The following VAV2 variants were observed in gnomAD, a reference collection of about 807,000 sequenced individuals.
VAV2 encodes guanine nucleotide exchange factor VAV2.
VAV2 carries 67 observed loss-of-function variants against 132.5 expected under a neutral mutation model. The observed-to-expected ratio is 0.51, with a 90% confidence interval of 0.42 to 0.62. The LOEUF (loss-of-function observed/expected upper bound fraction) is 0.62, where lower values mean the gene tolerates loss of function less well. Among genes scored for constraint, VAV2 ranks in the 20% least tolerant of loss-of-function variants. VAV2 has a pLI of 0.00. For synonymous variants in VAV2, 492 were observed against 443.5 expected, an observed-to-expected ratio of 1.11 and a Z score of -1.37; for missense variants, 938 against 1,153.6, an observed-to-expected ratio of 0.81 and a Z score of 2.71.
Position 133,770,481 on chromosome 9 carries a change from C to G in VAV2, c.2244G>C (p.Gln748His). The G allele has an allele frequency of 6.2e-7, 1 of 1,614,080 alleles. No homozygotes were observed. Among genetic ancestry groups the G allele is most frequent in the Non-Finnish European group, 8.5e-7 (1 of 1,179,952 alleles). Residue 748 changes from glutamine to histidine, a missense_variant, in exon 27 of 30, where the codon CAG becomes CAC. Transcript: ENST00000371850. ...DSLLELVEYY[Q>H]CHSLKESFKQ... Reference sequence around the variant, plus strand: ...TGAAGCTCTCCTTCAGTGAGTGGCACTGGTAGTACTCCACCAACTCCTGCA... The same window carrying G: ...TGAAGCTCTCCTTCAGTGAGTGGCAGTGGTAGTACTCCACCAACTCCTGCA...
At chr9:133,780,064 A>T (rs45503893) in intron 20 of VAV2, 125 bp from the exon 21 acceptor site, 222 of 1,287,656 alleles carry the variant, frequency 1.7e-4, no homozygotes, top group Non-Finnish European at 2.0e-4. Context: ...AGGCAGGAGC[A>T]GGGGAGGAGA....
chr9:133,890,140 G>A lies in VAV2; in HGVS notation c.322-28708C>T, dbSNP rs561363790. ...TGGCAGCCAGGGCATGGGCAGCACG[G>A]ATCGTGCCAGCCTGGCACATCCACA... On this transcript the variant is annotated intron_variant, in intron 2 of 29. Transcript: ENST00000371850. Among the ~76,000 whole-genome samples the A allele has an allele frequency of 3.1e-3, 472 of 152,344 alleles. 4 individuals are homozygous for A. The highest frequency in any genetic ancestry group is 4.2e-3 in the Non-Finnish European group (283 of 68,026).
Position 133,902,798 on chromosome 9 carries a change from G to A in VAV2, c.321+36305C>T, listed in dbSNP as rs146606298. Among the ~76,000 whole-genome samples the A allele has an allele frequency of 2.8e-3, 433 of 152,254 alleles. 2 individuals carry two copies. The highest frequency in any genetic ancestry group is 9.3e-3 in the African/African-American group (385 of 41,544). The stretch of plus-strand genomic sequence containing the variant: ...TATAAAAAGAGGAAGTTTGCCAGGC[G>A]CAATGGCTCACGCCTGTAACCCCAG... On this transcript the variant is annotated intron_variant, in intron 2 of 29. Coordinates refer to ENST00000371850, the MANE Select transcript of VAV2 (RefSeq NM_001134398.2).
intron 2 of VAV2, among the ~76,000 whole-genome samples, chr9:133,906,897 C>G (rs1335297602): frequency 6.6e-6 from 1 of 152,158 alleles, no homozygotes; most frequent in Non-Finnish European, 1.5e-5. Flanking sequence ...GGGACCCTCG[C>G]CCCGTCCCAT....
At chr9:133,795,613 G>A in intron 12 of VAV2, 55 bp downstream of exon 12, 1 of 1,601,544 alleles carries the variant, frequency 6.2e-7, no homozygotes, top group Non-Finnish European at 8.6e-7. Flanking sequence ...TCCAGTCCAA[G>A]AACACGGGCT....
intron 2 of VAV2, among the ~76,000 whole-genome samples, chr9:133,913,216 G>C (rs1165235820): frequency 1.3e-5 from 2 of 152,200 alleles, no homozygotes; most frequent in African/African-American, 4.8e-5. Context: ...AACACCCCCT[G>C]TGCTCCCAAA....
chr9:133,907,134 G>A (rs687402), intron 2 of VAV2, among the ~76,000 whole-genome samples: 44,084 of 152,220 alleles, frequency 0.29, 7,861 homozygotes, highest in Non-Finnish European at 0.39. Flanking sequence ...CAAACATGTT[G>A]CCAAGAGCAG....
intron 2 of VAV2, among the ~76,000 whole-genome samples, chr9:133,906,102 C>T (rs894034637): frequency 6.6e-6 from 1 of 152,150 alleles, no homozygotes; most frequent in South Asian, 2.1e-4. Flanking sequence ...ACCTTCCAGA[C>T]GGTAAGTCTG....
At chr9:133,895,085 G>A (rs1247048215) in intron 2 of VAV2, among the ~76,000 whole-genome samples, 4 of 152,140 alleles carry the variant, frequency 2.6e-5, no homozygotes, top group African/African-American at 4.8e-5. Context: ...GCTCCAAGCC[G>A]AGGCACCGAG....
At chr9:133,789,438 C>T (rs946252953) in intron 13 of VAV2, 95 bp from the exon 14 acceptor site, 4 of 1,175,792 alleles carry the variant, frequency 3.4e-6, no homozygotes, top group East Asian at 2.4e-5. Context: ...CCCAAGGGAA[C>T]TCCCCACAGG....
chr9:133,796,386 C>T (rs761607959), intron 11 of VAV2, 43 bp downstream of exon 11: 2 of 1,572,790 alleles, frequency 1.3e-6, no homozygotes, highest in Non-Finnish European at 1.7e-6. Context: ...CATCTGACTC[C>T]AGCAGTGATG....
intron 19 of VAV2, among the ~76,000 whole-genome samples, chr9:133,783,059 G>A (rs996997609): frequency 1.3e-5 from 2 of 152,212 alleles, no homozygotes; most frequent in African/African-American, 4.8e-5. Flanking sequence ...GCGTGCATGT[G>A]TGTGTGTGTC....
intron 2 of VAV2, among the ~76,000 whole-genome samples, chr9:133,934,823 C>T (rs1012566612): frequency 2.6e-5 from 4 of 152,182 alleles, no homozygotes; most frequent in Admixed American, 2.0e-4. Flanking sequence ...CCTAATCGGC[C>T]CCTCTTGTCT....
At chr9:133,880,027 A>C (rs1838423855) in intron 2 of VAV2, among the ~76,000 whole-genome samples, 1 of 152,260 alleles carries the variant, frequency 6.6e-6, no homozygotes, top group Admixed American at 6.5e-5. Flanking sequence ...CATGAGAGTG[A>C]GGACACGGAT....
intron 4 of VAV2, among the ~76,000 whole-genome samples, chr9:133,820,919 C>T (rs960550321): frequency 8.0e-5 from 12 of 150,598 alleles, no homozygotes; most frequent in African/African-American, 2.7e-4. Flanking sequence ...GAGAACTCAG[C>T]GAAGACGCGG....
intron 1 of VAV2, among the ~76,000 whole-genome samples, chr9:133,948,005 C>A (rs1025451127): frequency 6.6e-6 from 1 of 152,012 alleles, no homozygotes; most frequent in Non-Finnish European, 1.5e-5. Flanking sequence ...TGGCCAGGCT[C>A]GTCTCAAACT....
At chr9:133,851,219 C>T (rs984722499) in intron 3 of VAV2, among the ~76,000 whole-genome samples, 1 of 152,206 alleles carries the variant, frequency 6.6e-6, no homozygotes, top group African/African-American at 2.4e-5. Context: ...TCTGGTCACA[C>T]GACCTCCTTT....
intron 2 of VAV2, among the ~76,000 whole-genome samples, chr9:133,890,050 G>A (rs1838869104): frequency 6.6e-6 from 1 of 152,240 alleles, no homozygotes; most frequent in Non-Finnish European, 1.5e-5. Context: ...CACACTCCGG[G>A]AGGCTATGGT....
At chr9:133,814,265 T>G (rs1369529804) in intron 4 of VAV2, among the ~76,000 whole-genome samples, 1 of 151,994 alleles carries the variant, frequency 6.6e-6, no homozygotes, top group African/African-American at 2.4e-5. Flanking sequence ...ACAAATCACC[T>G]CCCCTGCCTC....
Sources: gnomAD v4.1 joint callset for allele counts (sites outside exome capture counted in the v4.1 genomes callset) on GRCh38, gnomAD v4.1.1 for gene constraint, MANE v1.5 for transcripts, NCBI Gene and HGNC (gene_info 2026-07-23, HGNC 2026-07-21) for gene names.